TMEM87B: variants seen among roughly 807,000 people sequenced by gnomAD.
TMEM87B encodes transmembrane protein 87B.
A neutral mutation model predicts 80.3 loss-of-function variants in TMEM87B; 83 were observed. The ratio of observed to expected loss-of-function variants is 1.03; its 90% confidence interval spans 0.87 to 1.24. The LOEUF (loss-of-function observed/expected upper bound fraction) is 1.24, where lower values mean the gene tolerates loss of function less well. Among genes scored for constraint, TMEM87B ranks in the 50% most tolerant of loss-of-function variants. The probability of loss-of-function intolerance (pLI) is 0.00; values close to 1 mark genes in which losing one functional copy is unlikely to be tolerated. For synonymous variants in TMEM87B, 219 were observed against 230.5 expected (o/e 0.95, Z 0.45); for missense variants, 625 against 674.4 (o/e 0.93, Z 0.81).
At chr2:112,092,026 A>T (rs974150835) in intron 11 of TMEM87B, among the ~76,000 whole-genome samples, 3 of 152,162 alleles carry the variant, frequency 2.0e-5, no homozygotes, top group Non-Finnish European at 4.4e-5. Flanking sequence ...GGCATGGGTG[A>T]AAAAGATGTC....
chr2:112,086,518 C>CAG (rs1679150301), intron 9 of TMEM87B, among the ~76,000 whole-genome samples: 2 of 152,238 alleles, frequency 1.3e-5, no homozygotes, highest in South Asian at 4.1e-4. Flanking sequence ...AAGGACTCTG[C>CAG]TTCTGGACCT....
intron 11 of TMEM87B, among the ~76,000 whole-genome samples, chr2:112,092,580 T>C (rs1679337010): frequency 6.6e-6 from 1 of 152,056 alleles, no homozygotes; most frequent in African/African-American, 2.4e-5. Flanking sequence ...GCCTTTGCAG[T>C]GGTCGAAAGA....
rs780729915 is a variant in TMEM87B at position 112,089,666 on chromosome 2, G to A, written c.980G>A (p.Gly327Glu). The change falls in exon 10 of 19, where the codon GGG becomes GAG. Residue 327 changes from glycine (G) to glutamate (E), a missense_variant. By Grantham distance (98) the Gly-to-Glu change is moderately conservative. Coordinates refer to ENST00000283206, the MANE Select transcript of TMEM87B (RefSeq NM_032824.3). Reference sequence around the variant, plus strand: ...GTCATGCACCGGGTGATCGGACTGGGGCTTCTATACTTAATCTTTGCAGCT... The same window carrying A: ...GTCATGCACCGGGTGATCGGACTGGAGCTTCTATACTTAATCTTTGCAGCT... ...GTVMHRVIGL[G>E]LLYLIFAAVE... 6.2e-7 allele frequency: 1 copy of A among 1,614,100 alleles called. No individual in the cohort carries two copies. Among genetic ancestry groups the A allele is most frequent in the Admixed American group, 1.7e-5 (1 of 60,010 alleles).
At chr2:112,106,423 C>G (rs943068130) in intron 16 of TMEM87B, among the ~76,000 whole-genome samples, 2 of 152,060 alleles carry the variant, frequency 1.3e-5, no homozygotes. Flanking sequence ...TCTGCACATT[C>G]GAGATGGGAA....
chr2:112,104,371 A>G (rs1250578023), intron 15 of TMEM87B, among the ~76,000 whole-genome samples: 1 of 152,196 alleles, frequency 6.6e-6, no homozygotes, highest in African/African-American at 2.4e-5. Context: ...CCTGTAAATC[A>G]ATAAATGATA....
Position 112,055,530 on chromosome 2 carries a change from T to C in TMEM87B, c.-62T>C. 6.9e-7 allele frequency: 1 copy of C among 1,439,594 alleles called. No homozygotes were observed. The highest frequency in any genetic ancestry group is 9.1e-7 in the Non-Finnish European group (1 of 1,099,326). 89.2% of individuals were successfully genotyped at this position (1,439,594 alleles called of 1,614,324 possible). ...ATTCGGACCCGCCTGCCTGGGGCGG[T>C]GCTGCACCAGGTGCGGGTGTGGCAG... On this transcript the variant is annotated 5_prime_UTR_variant, in exon 1 of 19. Transcript: ENST00000283206.
intron 7 of TMEM87B, 34 bp from the exon 8 acceptor site, chr2:112,081,301 G>C: frequency 4.5e-6 from 7 of 1,563,754 alleles, no homozygotes; most frequent in Non-Finnish European, 6.1e-6. Context: ...TGACCAAAAG[G>C]CTTAACTGAC....
chr2:112,062,694 G>T (rs1678292780), intron 2 of TMEM87B, among the ~76,000 whole-genome samples: 2 of 152,198 alleles, frequency 1.3e-5, no homozygotes, highest in African/African-American at 2.4e-5. Flanking sequence ...TAAGTTCCTT[G>T]TGGGTCAGTT....
chr2:112,113,616 T>A (rs995472092), intron 18 of TMEM87B, among the ~76,000 whole-genome samples: 10 of 152,044 alleles, frequency 6.6e-5, no homozygotes, highest in Non-Finnish European at 1.3e-4. Flanking sequence ...ACTTCAAGAT[T>A]CATAACTCTA....
chr2:112,069,210 A>AAC (rs1465094347), intron 4 of TMEM87B, among the ~76,000 whole-genome samples: 1 of 151,648 alleles, frequency 6.6e-6, no homozygotes, highest in African/African-American at 2.4e-5. Context: ...AAAAAAAAAA[A>AAC]AAAAAAAAAA....
chr2:112,071,816 C>T (rs1368307566), intron 4 of TMEM87B, among the ~76,000 whole-genome samples: 1 of 152,048 alleles, frequency 6.6e-6, no homozygotes, highest in East Asian at 1.9e-4. Flanking sequence ...CTTCCAATAC[C>T]ATGTTAAATA....
chr2:112,066,996 G>T lies in TMEM87B; in HGVS notation c.379G>T (p.Asp127Tyr). 1 of 1,611,898 alleles carries T rather than the reference G, an allele frequency of 6.2e-7. No individual in the cohort carries two copies. Among genetic ancestry groups the T allele is most frequent in the South Asian group, 1.1e-5 (1 of 90,318 alleles). ...AGACTTTTGTCATTATTTGAAGAAT[G>T]ACAACTGTTGGACAACAAAAAATGA... Reference protein sequence around the residue: ...DEDFCHYLKNDNCWTTKNENL... With the variant: ...DEDFCHYLKNYNCWTTKNENL... The change falls in exon 4 of 19, where the codon GAC becomes TAC. Residue 127 changes from aspartate to tyrosine, a missense_variant. By Grantham distance (160) the Asp-to-Tyr change is radical. Coordinates refer to ENST00000283206, the MANE Select transcript of TMEM87B (RefSeq NM_032824.3).
chr2:112,101,588 T>C (rs1679632828), intron 15 of TMEM87B, among the ~76,000 whole-genome samples: 1 of 152,222 alleles, frequency 6.6e-6, no homozygotes, highest in Admixed American at 6.5e-5. Flanking sequence ...TTTTGTGTAT[T>C]ATATGTATTT....
chr2:112,069,221 A>C lies in TMEM87B; in HGVS notation c.450+2154A>C, dbSNP rs573207013. 9.1e-3 allele frequency among the ~76,000 whole-genome samples: 1,373 copies of C among 150,642 alleles called. 35 individuals are homozygous for C. The highest frequency in any genetic ancestry group is 0.032 in the African/African-American group (1,297 of 40,750). The stretch of plus-strand genomic sequence containing the variant: ...CTCAAAAAAAAAAAAAAAAAAAAAA[A>C]CTCATGTCACAGGAATTTGTTGTAC... On this transcript the variant is annotated intron_variant, in intron 4 of 18. Coordinates refer to ENST00000283206, the MANE Select transcript of TMEM87B (RefSeq NM_032824.3).
chr2:112,115,813 T>G (rs1680005982), intron 18 of TMEM87B, among the ~76,000 whole-genome samples: 1 of 152,182 alleles, frequency 6.6e-6, no homozygotes, highest in South Asian at 2.1e-4. Flanking sequence ...TTTTTAAATT[T>G]TTTATAAGGA....
intron 4 of TMEM87B, among the ~76,000 whole-genome samples, chr2:112,068,994 C>T (rs1678530865): frequency 6.6e-6 from 1 of 151,418 alleles, no homozygotes; most frequent in Non-Finnish European, 1.5e-5. Flanking sequence ...AGATCGAGAC[C>T]ATCCTGGCTA....
rs1029649182 is a variant in TMEM87B at position 112,055,295 on chromosome 2, G to A, written c.-297G>A. 2 of 453,010 alleles carry A rather than the reference G, an allele frequency of 4.4e-6. No individual in the cohort carries two copies. The highest frequency in any genetic ancestry group is 2.1e-5 in the African/African-American group (1 of 48,110). 28.1% of individuals were successfully genotyped at this position (453,010 alleles called of 1,614,324 possible). On this transcript the variant is annotated 5_prime_UTR_variant, in exon 1 of 19. Transcript: ENST00000283206. The stretch of plus-strand genomic sequence containing the variant: ...TCTTCACGCCCACGCTAGGCCCTGA[G>A]CCCAGCCTCCACGTCTCGCCGCCAA...
chr2:112,089,715 T>TG lies in TMEM87B; in HGVS notation c.1032+1dup. Reference sequence around the variant, plus strand: ...CTGTTGAAGGCGTGATGAGAGTCATTGGGGTAAAAACTACATTATTCTACC... The same window carrying TG: ...CTGTTGAAGGCGTGATGAGAGTCATTGGGGGTAAAAACTACATTATTCTACC... On this transcript the variant is annotated frameshift_variant, in exon 10 of 19. Coordinates refer to ENST00000283206, the MANE Select transcript of TMEM87B (RefSeq NM_032824.3). LOFTEE classifies it high-confidence loss of function. The TG allele has an allele frequency of 6.2e-7, 1 of 1,614,046 alleles. No homozygotes were observed. Among genetic ancestry groups the TG allele is most frequent in the Non-Finnish European group, 8.5e-7 (1 of 1,179,894 alleles).
chr2:112,070,944 C>T (rs1558832463), intron 4 of TMEM87B, among the ~76,000 whole-genome samples: 1 of 151,838 alleles, frequency 6.6e-6, no homozygotes, highest in Non-Finnish European at 1.5e-5. Context: ...GCCTCAGCCT[C>T]CCAAGTAGCT....
Sources: allele counts gnomAD v4.1 joint callset (sites outside exome capture counted in the v4.1 genomes callset), GRCh38; gene constraint gnomAD v4.1.1; transcripts MANE v1.5; gene names NCBI Gene and HGNC (gene_info 2026-07-23, HGNC 2026-07-21).